TSGA13: variants seen among roughly 807,000 people sequenced by gnomAD.
The protein encoded by TSGA13 is testis specific 13, also known as testis-specific gene 13 protein.
A neutral mutation model predicts 35.1 loss-of-function variants in TSGA13; 37 were observed. The observed-to-expected ratio is 1.05, with a 90% CI of 0.81 to 1.39. TSGA13 has a LOEUF of 1.39. Among genes scored for constraint, TSGA13 ranks in the 40% most tolerant of loss-of-function variants. The pLI, the probability that TSGA13 is intolerant of heterozygous loss-of-function variation, is 0.00. For missense variants in TSGA13, 338 were observed against 328.5 expected, an observed-to-expected ratio of 1.03 and a Z score of -0.22; for synonymous variants, 124 against 121.2, an observed-to-expected ratio of 1.02 and a Z score of -0.15.
chr7:130,685,255 A>C lies in TSGA13; in HGVS notation c.-45T>G. The C allele has an allele frequency of 6.2e-7, 1 of 1,611,260 alleles. No homozygotes were observed. Among genetic ancestry groups the C allele is most frequent in the Non-Finnish European group, 8.5e-7 (1 of 1,177,506 alleles). On this transcript the variant is annotated 5_prime_UTR_variant, in exon 2 of 8. Transcript: ENST00000356588. ...GCCAACCCAAGGCAGGTATTCACCC[A>C]AGGCCAAATTCAGGTCTCTAAATAG...
chr7:130,674,169 CTT>C (rs1162370815), intron 5 of TSGA13, among the ~76,000 whole-genome samples: 88 of 98,436 alleles, frequency 8.9e-4, no homozygotes, highest in African/African-American at 2.7e-3. Flanking sequence ...TTCTTTTTTT[CTT>C]TTTTTTTTTT....
At chr7:130,670,246 G>A (rs781890038) in intron 7 of TSGA13, among the ~76,000 whole-genome samples, 4 of 152,252 alleles carry the variant, frequency 2.6e-5, no homozygotes, top group Non-Finnish European at 4.4e-5. Context: ...TATAGCAGGA[G>A]CAGAGAAGCC....
In TSGA13 at chr7:130,683,580, C is replaced by T. The variant is rs782501340; in HGVS notation, c.102+14G>A. On this transcript the variant is annotated intron_variant, in intron 3 of 7. Coordinates refer to ENST00000356588, the MANE Select transcript of TSGA13 (RefSeq NM_052933.4). The stretch of plus-strand genomic sequence containing the variant: ...AGAAAAATTAAACATTGAACACTTA[C>T]TAACACTCCTTACCTCTTTGCTATT... 10 of 1,611,548 alleles carry T rather than the reference C, an allele frequency of 6.2e-6. No individual in the cohort carries two copies. The highest frequency in any genetic ancestry group is 1.3e-5 in the African/African-American group (1 of 74,972).
intron 5 of TSGA13, among the ~76,000 whole-genome samples, chr7:130,675,377 T>C (rs1200845956): frequency 6.8e-6 from 1 of 146,248 alleles, no homozygotes; most frequent in Non-Finnish European, 1.5e-5. Flanking sequence ...TTTGAGTCTT[T>C]TTTTGGGGGG....
chr7:130,673,803 A>G (rs746337682), intron 5 of TSGA13, among the ~76,000 whole-genome samples: 5 of 152,258 alleles, frequency 3.3e-5, no homozygotes, highest in East Asian at 1.9e-4. Context: ...GGAAGTGTCT[A>G]TTCAAAAGTC....
At chr7:130,675,255 G>GT (rs1197023438) in intron 5 of TSGA13, among the ~76,000 whole-genome samples, 7 of 150,812 alleles carry the variant, frequency 4.6e-5, no homozygotes, top group Admixed American at 4.0e-4. Context: ...ATATATATGG[G>GT]TTTTTTTCTA....
At chr7:130,673,946 T>A (rs1796345981) in intron 5 of TSGA13, among the ~76,000 whole-genome samples, 1 of 151,624 alleles carries the variant, frequency 6.6e-6, no homozygotes, top group African/African-American at 2.4e-5. Context: ...TACAAAAAAA[T>A]TAGCTGGGCG....
rs1162370815 is a variant in TSGA13, at chr7:130,674,169, C to CTTTTTTTTTTTTTTTTTTTTTT, written c.388-1294_388-1293insAAAAAAAAAAAAAAAAAAAAAA. ...CTTTTCTTCTTTTTTTTCTTTTTTT[C>CTTTTTTTTTTTTTTTTTTTTTT]TTTTTTTTTTTTTTTTTTTTGAGAT... On this transcript the variant is annotated intron_variant, in intron 5 of 7. Coordinates refer to ENST00000356588, the MANE Select transcript of TSGA13 (RefSeq NM_052933.4). Among the ~76,000 whole-genome samples, 123 of 98,444 alleles carry CTTTTTTTTTTTTTTTTTTTTTT rather than the reference C, an allele frequency of 1.2e-3. 2 individuals carry two copies. The highest frequency in any genetic ancestry group is 2.1e-3 in the East Asian group (6 of 2,802). The allele number at this position is 98,444 out of a possible 152,430, so 64.6% of individuals were successfully genotyped here. A position where few individuals can be genotyped will look rare whatever the true frequency, so the allele number is the denominator to read the frequency against.
chr7:130,683,797 A>G, intron 2 of TSGA13, 125 bp from the exon 3 acceptor site: 2 of 736,146 alleles, frequency 2.7e-6, no homozygotes, highest in South Asian at 1.8e-5. Context: ...AGGTGATCAC[A>G]TCAGTAATTG....
intron 5 of TSGA13, among the ~76,000 whole-genome samples, chr7:130,673,359 A>G (rs1796328619): frequency 6.6e-6 from 1 of 152,188 alleles, no homozygotes; most frequent in Non-Finnish European, 1.5e-5. Flanking sequence ...AGGTCATAGA[A>G]TCAAAGTCTT....
chr7:130,669,250 G>A (rs2116287881), intron 7 of TSGA13, 67 bp from the exon 8 acceptor site: 3 of 1,599,164 alleles, frequency 1.9e-6, no homozygotes, highest in Middle Eastern at 1.7e-4. Context: ...TACTTAATGT[G>A]AGATGTAAAG....
In TSGA13 at chr7:130,672,769, C is replaced by T. The variant is rs782786702; in HGVS notation, c.495G>A (p.Ser165=). The part of the protein sequence containing the change: ...KLKPIFPLIL[S]DDPTSKREQW... Reference sequence around the variant, plus strand: ...GTTCTCGCTTGGATGTGGGATCATCCGACAGTATCAAAGGGAAGATTGGTT... The same window carrying T: ...GTTCTCGCTTGGATGTGGGATCATCTGACAGTATCAAAGGGAAGATTGGTT... The change falls in exon 6 of 8, where the codon TCG becomes TCA. Residue 165 remains serine (S), a synonymous_variant. Transcript: ENST00000356588. 8 of 1,613,886 alleles carry T rather than the reference C, an allele frequency of 5.0e-6. No individual in the cohort carries two copies. The highest frequency in any genetic ancestry group is 4.5e-5 in the East Asian group (2 of 44,864).
At chr7:130,669,629 C>T (rs1796207430) in intron 7 of TSGA13, among the ~76,000 whole-genome samples, 1 of 152,232 alleles carries the variant, frequency 6.6e-6, no homozygotes. Flanking sequence ...CTATACTCAA[C>T]AGGATCGTGC....
intron 5 of TSGA13, among the ~76,000 whole-genome samples, chr7:130,675,732 C>T (rs535986041): frequency 6.6e-6 from 1 of 152,196 alleles, no homozygotes; most frequent in Non-Finnish European, 1.5e-5. Flanking sequence ...GCTTTCATTC[C>T]TACTGCTTCA....
At chr7:130,681,069 G>T in intron 3 of TSGA13, 52 bp from the exon 4 acceptor site, 7 of 1,500,902 alleles carry the variant, frequency 4.7e-6, no homozygotes, top group Non-Finnish European at 6.5e-6. Flanking sequence ...ATCCTAAACA[G>T]TATTCCATTC....
chr7:130,671,529 T>C, intron 7 of TSGA13, 132 bp downstream of exon 7: 3 of 1,048,156 alleles, frequency 2.9e-6, no homozygotes, highest in Non-Finnish European at 3.8e-6. Flanking sequence ...TTAACTTCCA[T>C]GCTATAGGGA....
At chr7:130,673,189 A>G (rs782432511) in intron 5 of TSGA13, among the ~76,000 whole-genome samples, 1 of 152,242 alleles carries the variant, frequency 6.6e-6, no homozygotes, top group Non-Finnish European at 1.5e-5. Flanking sequence ...TCAACCAGTG[A>G]AGTCCTTGGG....
intron 5 of TSGA13, among the ~76,000 whole-genome samples, chr7:130,674,171 T>TTC (rs1415437474): frequency 3.6e-4 from 44 of 123,674 alleles, no homozygotes; most frequent in Non-Finnish European, 5.9e-4. Flanking sequence ...CTTTTTTTCT[T>TTC]TTTTTTTTTT....
At position 130,684,575 on chromosome 7, in the gene TSGA13, G is replaced by T. The variant is rs568367300; in HGVS notation, c.23+613C>A. Among the ~76,000 whole-genome samples the T allele has an allele frequency of 1.2e-4, 19 of 152,248 alleles. No homozygotes were observed. In the South Asian group the frequency reaches 3.9e-3, roughly 32 times the overall value. ...TAGCAGAATAAGGACCAAAATAAAA[G>T]TAGAAATAGCCACGCTATGTCGTTT... On this transcript the variant is annotated intron_variant, in intron 2 of 7. Coordinates refer to ENST00000356588, the MANE Select transcript of TSGA13 (RefSeq NM_052933.4).
Sources: allele counts gnomAD v4.1 joint callset (sites outside exome capture counted in the v4.1 genomes callset), GRCh38; gene constraint gnomAD v4.1.1; transcripts MANE v1.5; gene names NCBI Gene and HGNC (gene_info 2026-07-23, HGNC 2026-07-21).